STK39: variants seen among roughly 807,000 people sequenced by gnomAD.
The protein encoded by STK39 is STE20/SPS1-related proline-alanine-rich protein kinase.
STK39 carries 20 observed loss-of-function variants against 77.8 expected under a neutral mutation model. The observed-to-expected ratio is 0.26, with a 90% CI of 0.18 to 0.37. STK39 has a LOEUF of 0.37. Among genes scored for constraint, STK39 ranks in the 10% least tolerant of loss-of-function variants. The pLI is 1.00. For synonymous variants in STK39, 246 were observed against 234.1 expected (o/e 1.05, Z -0.47); for missense variants, 479 against 656.5 (o/e 0.73, Z 2.95).
chr2:168,163,055 T>C (rs1574516888), intron 4 of STK39, among the ~76,000 whole-genome samples: 1 of 151,634 alleles, frequency 6.6e-6, no homozygotes, highest in Non-Finnish European at 1.5e-5. Context: ...AAAAATATAG[T>C]AGAAATAATT....
chr2:168,191,380 C>T (rs890410257), intron 1 of STK39, among the ~76,000 whole-genome samples: 2 of 152,044 alleles, frequency 1.3e-5, no homozygotes, highest in Non-Finnish European at 2.9e-5. Flanking sequence ...ATATCCACAG[C>T]CCACGCCCTA....
chr2:168,239,893 T>A (rs1690716288), intron 1 of STK39, among the ~76,000 whole-genome samples: 1 of 152,242 alleles, frequency 6.6e-6, no homozygotes, highest in African/African-American at 2.4e-5. Context: ...AGAGATTGTT[T>A]GTGTGACAAG....
chr2:167,955,023 T>G lies in STK39; in HGVS notation c.*473A>C, dbSNP rs1342171713. ...ATCTTAATTTTATAAGTATATTAATTTCTAAATACAACATAAAAGAGGCAG... is the reference window on the plus strand; with the variant it reads ...ATCTTAATTTTATAAGTATATTAATGTCTAAATACAACATAAAAGAGGCAG... On this transcript the variant is annotated 3_prime_UTR_variant, in exon 18 of 18. Coordinates refer to ENST00000355999, the MANE Select transcript of STK39 (RefSeq NM_013233.3). The G allele has an allele frequency of 6.5e-6, 1 of 152,794 alleles. No individual in the cohort carries two copies. The highest frequency in any genetic ancestry group is 1.5e-5 in the Non-Finnish European group (1 of 68,164). The allele number at this position is 152,794 out of a possible 1,614,324, so 9.5% of individuals were successfully genotyped here. A position where few individuals can be genotyped will look rare whatever the true frequency, so the allele number is the denominator to read the frequency against.
chr2:167,974,964 T>C (rs1683237411), intron 16 of STK39, among the ~76,000 whole-genome samples: 1 of 152,224 alleles, frequency 6.6e-6, no homozygotes, highest in East Asian at 1.9e-4. Flanking sequence ...TGTTTAGATA[T>C]ACAATTTGAA....
At chr2:167,996,447 A>T (rs1441047034) in intron 16 of STK39, among the ~76,000 whole-genome samples, 1 of 152,176 alleles carries the variant, frequency 6.6e-6, no homozygotes, top group Non-Finnish European at 1.5e-5. Context: ...TAAACCTAGA[A>T]CCTACCTGGC....
At chr2:168,163,604 T>G in intron 4 of STK39, 135 bp downstream of exon 4, 1 of 1,586,080 alleles carries the variant, frequency 6.3e-7, no homozygotes. Context: ...GCTGAAGATA[T>G]GAACATCTGA....
chr2:168,043,723 G>C (rs1685167271), intron 14 of STK39, among the ~76,000 whole-genome samples: 1 of 152,184 alleles, frequency 6.6e-6, no homozygotes, highest in Admixed American at 6.5e-5. Context: ...CCTGAACTTT[G>C]TCATTAGCAC....
intron 1 of STK39, among the ~76,000 whole-genome samples, chr2:168,187,061 G>A (rs920129552): frequency 5.3e-5 from 8 of 152,116 alleles, no homozygotes; most frequent in Non-Finnish European, 8.8e-5. Context: ...ACCTTAAAAA[G>A]TTATTTTAAG....
intron 11 of STK39, 35 bp from the exon 12 acceptor site, chr2:168,075,046 C>A (rs114385906): frequency 1.2e-6 from 2 of 1,612,460 alleles, no homozygotes; most frequent in African/African-American, 1.3e-5. Flanking sequence ...AATATATATA[C>A]ACACACACAA....
intron 14 of STK39, among the ~76,000 whole-genome samples, chr2:168,061,978 T>C (rs1228806634): frequency 6.6e-6 from 1 of 152,156 alleles, no homozygotes; most frequent in African/African-American, 2.4e-5. Flanking sequence ...CGGTTTAATC[T>C]TCAGGAGGAA....
chr2:168,056,739 T>C (rs1685537217), intron 14 of STK39, among the ~76,000 whole-genome samples: 1 of 152,128 alleles, frequency 6.6e-6, no homozygotes, highest in Admixed American at 6.5e-5. Context: ...TTCACATATA[T>C]CAGAGTCTTG....
intron 14 of STK39, among the ~76,000 whole-genome samples, chr2:168,056,635 C>G (rs1202302259): frequency 1.3e-5 from 2 of 152,174 alleles, no homozygotes. Context: ...GAGTGATTCA[C>G]AGAGAGTGAG....
chr2:168,126,030 A>C (rs773588004), intron 10 of STK39, among the ~76,000 whole-genome samples: 4 of 152,206 alleles, frequency 2.6e-5, no homozygotes, highest in Non-Finnish European at 4.4e-5. Flanking sequence ...ATTGAAAATT[A>C]TCTCTTAATG....
At chr2:168,174,860 G>C (rs967546123) in intron 2 of STK39, among the ~76,000 whole-genome samples, 1 of 139,554 alleles carries the variant, frequency 7.2e-6, no homozygotes, top group Non-Finnish European at 1.6e-5. Context: ...AAACACCCAA[G>C]AAACCAGAAA....
Position 168,138,075 on chromosome 2 carries a change from A to C in STK39, c.974+13T>G, listed in dbSNP as rs199994951. 2 of 1,612,516 alleles carry C rather than the reference A, an allele frequency of 1.2e-6. No individual in the cohort carries two copies. Among genetic ancestry groups the C allele is most frequent in the Middle Eastern group, 1.7e-4 (1 of 6,052 alleles). Reference sequence around the variant, plus strand: ...AAACCAGGTCATTAACTCATCCACTAAGTTTCACTTACCTTTTGGAAGGAT... The same window carrying C: ...AAACCAGGTCATTAACTCATCCACTCAGTTTCACTTACCTTTTGGAAGGAT... On this transcript the variant is annotated intron_variant, in intron 8 of 17. Transcript: ENST00000355999.
chr2:168,149,924 A>T (rs1181164158), intron 5 of STK39, among the ~76,000 whole-genome samples: 1 of 152,248 alleles, frequency 6.6e-6, no homozygotes, highest in East Asian at 1.9e-4. Flanking sequence ...CACTTCTAGG[A>T]AAATAGGAAA....
intron 1 of STK39, among the ~76,000 whole-genome samples, chr2:168,232,764 T>C (rs1000571391): frequency 6.6e-6 from 1 of 151,956 alleles, no homozygotes; most frequent in African/African-American, 2.4e-5. Flanking sequence ...TACAAAAAAT[T>C]AGCTGGACGT....
intron 17 of STK39, among the ~76,000 whole-genome samples, chr2:167,962,908 G>A (rs1212283123): frequency 2.6e-5 from 4 of 152,154 alleles, no homozygotes; most frequent in East Asian, 3.9e-4. Flanking sequence ...CAGCGAGCCC[G>A]AGGTTCCCGA....
At chr2:168,098,854 C>T (rs1686742910) in intron 10 of STK39, among the ~76,000 whole-genome samples, 1 of 152,320 alleles carries the variant, frequency 6.6e-6, no homozygotes, top group African/African-American at 2.4e-5. Flanking sequence ...CCTATTGTTC[C>T]CTCCCCGCCA....
Sources: gnomAD v4.1 joint callset for allele counts (sites outside exome capture counted in the v4.1 genomes callset) on GRCh38, gnomAD v4.1.1 for gene constraint, MANE v1.5 for transcripts, NCBI Gene and HGNC (gene_info 2026-07-23, HGNC 2026-07-21) for gene names.